CTNND2: variants seen among roughly 807,000 people sequenced by gnomAD.
CTNND2 encodes the protein catenin delta 2, also known as catenin delta-2.
CTNND2 carries 22 observed loss-of-function variants against 144.4 expected under a neutral mutation model. That is an observed-to-expected ratio of 0.15 (90% CI 0.11 to 0.22). CTNND2 has a LOEUF of 0.22. Among genes scored for constraint, CTNND2 ranks in the 10% least tolerant of loss-of-function variants. The pLI is 1.00. For synonymous variants in CTNND2, 751 were observed against 695.6 expected (o/e 1.08, Z -1.25); for missense variants, 1,353 against 1,618.8 (o/e 0.84, Z 2.82).
At chr5:11,603,878 G>C (rs192595923) in intron 2 of CTNND2, among the ~76,000 whole-genome samples, 6 of 152,216 alleles carry the variant, frequency 3.9e-5, no homozygotes, top group Admixed American at 3.9e-4. Context: ...CTCCATATTT[G>C]ATATCTGCTT....
chr5:11,713,251 C>A (rs955845687), intron 2 of CTNND2, among the ~76,000 whole-genome samples: 1 of 152,068 alleles, frequency 6.6e-6, no homozygotes, highest in African/African-American at 2.4e-5. Context: ...AAAAACTATT[C>A]TTTGTGGAGA....
At chr5:11,301,043 ATGGGC>A (rs575119397) in intron 9 of CTNND2, among the ~76,000 whole-genome samples, 1 of 151,900 alleles carries the variant, frequency 6.6e-6, no homozygotes, top group African/African-American at 2.4e-5. Flanking sequence ...GGGCTGTTGC[ATGGGC>A]TGGGCTGGGC....
intron 3 of CTNND2, among the ~76,000 whole-genome samples, chr5:11,524,410 A>G (rs1037908371): frequency 3.3e-5 from 5 of 152,218 alleles, no homozygotes; most frequent in African/African-American, 1.2e-4. Flanking sequence ...TGGAATTTCA[A>G]GCATCAGCAA....
intron 15 of CTNND2, among the ~76,000 whole-genome samples, chr5:11,092,962 A>G (rs1750919926): frequency 6.6e-6 from 1 of 152,206 alleles, no homozygotes; most frequent in African/African-American, 2.4e-5. Flanking sequence ...TCTAAGGACA[A>G]GTCTCTAATT....
At chr5:11,428,672 G>A (rs149777608) in intron 3 of CTNND2, among the ~76,000 whole-genome samples, 9 of 152,272 alleles carry the variant, frequency 5.9e-5, no homozygotes, top group African/African-American at 1.4e-4. Context: ...TTAGTAAAGC[G>A]TAGGATTTCC....
At chr5:11,454,575 T>A (rs1034344004) in intron 3 of CTNND2, among the ~76,000 whole-genome samples, 3 of 151,638 alleles carry the variant, frequency 2.0e-5, no homozygotes, top group Non-Finnish European at 4.4e-5. Context: ...TGTAATAGGA[T>A]ATTCATAACA....
chr5:11,082,643 G>A, intron 16 of CTNND2, 53 bp downstream of exon 16: 1 of 1,594,700 alleles, frequency 6.3e-7, no homozygotes, highest in Non-Finnish European at 8.6e-7. Context: ...CCTACCCCTA[G>A]AGAAAATATT....
At chr5:11,779,597 G>A (rs919276816) in intron 1 of CTNND2, among the ~76,000 whole-genome samples, 9 of 152,204 alleles carry the variant, frequency 5.9e-5, no homozygotes, top group Non-Finnish European at 5.9e-5. Flanking sequence ...AAGTCACTTC[G>A]ATGGAGATCA....
chr5:11,791,580 T>C (rs1480100209), intron 1 of CTNND2, among the ~76,000 whole-genome samples: 1 of 152,208 alleles, frequency 6.6e-6, no homozygotes, highest in Non-Finnish European at 1.5e-5. Context: ...GGTGTGACTG[T>C]AACTGTTAAG....
intron 16 of CTNND2, among the ~76,000 whole-genome samples, chr5:11,032,647 T>C (rs928007693): frequency 1.1e-4 from 17 of 152,036 alleles, no homozygotes; most frequent in Non-Finnish European, 1.2e-4. Flanking sequence ...TATTTTTTTT[T>C]CCCCTAAAAC....
At chr5:11,823,993 C>T (rs1043117751) in intron 1 of CTNND2, among the ~76,000 whole-genome samples, 1 of 149,906 alleles carries the variant, frequency 6.7e-6, no homozygotes, top group Admixed American at 6.7e-5. Flanking sequence ...CCTGTAATTC[C>T]AGCTACTCAG....
chr5:11,331,477 T>C (rs1753135584), intron 9 of CTNND2, among the ~76,000 whole-genome samples: 1 of 152,168 alleles, frequency 6.6e-6, no homozygotes, highest in South Asian at 2.1e-4. Context: ...TAAGGGTAAT[T>C]TTTAATAAAA....
intron 8 of CTNND2, among the ~76,000 whole-genome samples, chr5:11,356,980 A>T (rs2149757810): frequency 6.6e-6 from 1 of 152,290 alleles, no homozygotes; most frequent in East Asian, 1.9e-4. Flanking sequence ...CCACAGTGAG[A>T]TACTACCTCA....
At chr5:11,722,981 T>C (rs1387278165) in intron 2 of CTNND2, among the ~76,000 whole-genome samples, 1 of 152,128 alleles carries the variant, frequency 6.6e-6, no homozygotes, top group African/African-American at 2.4e-5. Context: ...AGCACAAATA[T>C]GTGAAAAATC....
chr5:11,022,685 A>T, intron 17 of CTNND2, 84 bp downstream of exon 17: 2 of 983,934 alleles, frequency 2.0e-6, no homozygotes, highest in African/African-American at 1.6e-5. Context: ...TGACAGTCAT[A>T]GTACTACCCG....
chr5:11,281,453 C>A, intron 9 of CTNND2, among the ~76,000 whole-genome samples: 1 of 152,264 alleles, frequency 6.6e-6, no homozygotes, highest in East Asian at 1.9e-4. Context: ...CAGAATTCCA[C>A]GAAGCAATGG....
intron 1 of CTNND2, among the ~76,000 whole-genome samples, chr5:11,863,336 G>C (rs1374128723): frequency 2.6e-5 from 4 of 152,124 alleles, no homozygotes; most frequent in Non-Finnish European, 5.9e-5. Flanking sequence ...AGTTCTCAAA[G>C]GATTTTGCTC....
chr5:10,974,743 T>TATTA (rs1279889011), intron 21 of CTNND2, among the ~76,000 whole-genome samples: 1 of 152,232 alleles, frequency 6.6e-6, no homozygotes, highest in African/African-American at 2.4e-5. Context: ...AGTGACTCCC[T>TATTA]ATTAATTTAA....
intron 3 of CTNND2, among the ~76,000 whole-genome samples, chr5:11,437,556 G>T (rs6868558): frequency 0.027 from 4,153 of 152,264 alleles, 194 homozygotes; most frequent in African/African-American, 0.093. Context: ...AAGACTGAGG[G>T]GAGTAAATAA....
Sources: allele counts gnomAD v4.1 joint callset (sites outside exome capture counted in the v4.1 genomes callset), GRCh38; gene constraint gnomAD v4.1.1; transcripts MANE v1.5; gene names NCBI Gene and HGNC (gene_info 2026-07-23, HGNC 2026-07-21).